The following WNT7A variants were observed in gnomAD, a reference collection of about 807,000 sequenced individuals.
WNT7A encodes protein Wnt-7a.
Under a neutral mutation model 28.2 loss-of-function variants are expected in WNT7A, and 16 were observed. The observed-to-expected ratio is 0.57, with a 90% CI of 0.38 to 0.86. The LOEUF (loss-of-function observed/expected upper bound fraction) is 0.86, where lower values mean the gene tolerates loss of function less well. WNT7A is among the 40% of genes least tolerant of loss of function. The pLI is 0.00. For missense variants in WNT7A, 411 were observed against 489.7 expected (o/e 0.84, Z 1.52); for synonymous variants, 190 against 195.9 (o/e 0.97, Z 0.25).
rs1694056979 is a variant in WNT7A at position 13,818,696 on chromosome 3, C to T, written c.*248G>A. ...CCAGAGTTCCTGCTGCAGAAGGCTTCGCTCCAGCCGCGGAGGGACCTGGGC... is the reference window on the plus strand; with the variant it reads ...CCAGAGTTCCTGCTGCAGAAGGCTTTGCTCCAGCCGCGGAGGGACCTGGGC... On this transcript the variant is annotated 3_prime_UTR_variant, in exon 4 of 4. Coordinates refer to ENST00000285018, the MANE Select transcript of WNT7A (RefSeq NM_004625.4). 2.5e-6 allele frequency: 1 copy of T among 400,388 alleles called. No individual in the cohort carries two copies. Among genetic ancestry groups the T allele is most frequent in the African/African-American group, 2.0e-5 (1 of 49,308 alleles). The allele number at this position is 400,388 out of a possible 1,614,324, so 24.8% of individuals were successfully genotyped here.
At chr3:13,867,514 A>G (rs1694929767) in intron 2 of WNT7A, among the ~76,000 whole-genome samples, 1 of 152,156 alleles carries the variant, frequency 6.6e-6, no homozygotes, top group Non-Finnish European at 1.5e-5. Flanking sequence ...AGGTGGACAC[A>G]CTTTCTTTCA....
At chr3:13,873,837 T>G (rs562559446) in intron 2 of WNT7A, among the ~76,000 whole-genome samples, 2 of 151,986 alleles carry the variant, frequency 1.3e-5, no homozygotes, top group Non-Finnish European at 2.9e-5. Flanking sequence ...CAGTGTGGTG[T>G]GTTTGGGAAA....
In WNT7A at chr3:13,879,956, C is replaced by A; in HGVS notation, c.-140G>T. ...CCGTCTGTCGGTGCGCCCGTCCGCG[C>A]GCTCCGCGCCTGAGCCTCGCCAGGA... On this transcript the variant is annotated 5_prime_UTR_variant, in exon 1 of 4. Coordinates refer to ENST00000285018, the MANE Select transcript of WNT7A (RefSeq NM_004625.4). 1.8e-6 allele frequency: 1 copy of A among 558,146 alleles called. No homozygotes were observed. Among genetic ancestry groups the A allele is most frequent in the Non-Finnish European group, 2.7e-6 (1 of 365,790 alleles). 34.6% of individuals were successfully genotyped at this position (558,146 alleles called of 1,614,324 possible).
rs115123977 is a variant in WNT7A at position 13,842,666 on chromosome 3, G to A, written c.570+11866C>T. On this transcript the variant is annotated intron_variant, in intron 3 of 3. Transcript: ENST00000285018. ...TGGCCAAGGCCAGGGCCAGGGTTTG[G>A]CTTACACAACTGGAAGGATGCAGAT... Among the ~76,000 whole-genome samples, 512 of 152,336 alleles carry A rather than the reference G, an allele frequency of 3.4e-3. 2 individuals carry two copies. The highest frequency in any genetic ancestry group is 0.012 in the African/African-American group (485 of 41,570).
intron 3 of WNT7A, among the ~76,000 whole-genome samples, chr3:13,838,118 G>C (rs1175543467): frequency 2.0e-5 from 3 of 152,112 alleles, no homozygotes; most frequent in African/African-American, 7.2e-5. Context: ...CCCAGCTGAG[G>C]GTGCGGTGGG....
intron 3 of WNT7A, among the ~76,000 whole-genome samples, chr3:13,846,352 C>T (rs1011720380): frequency 6.6e-6 from 1 of 152,148 alleles, no homozygotes; most frequent in Non-Finnish European, 1.5e-5. Context: ...GAGTCCAAGA[C>T]TCCTGAGGGT....
chr3:13,854,444 CAACA>C, intron 3 of WNT7A, 84 bp downstream of exon 3: 1 of 1,603,218 alleles, frequency 6.2e-7, no homozygotes, highest in Non-Finnish European at 8.5e-7. Context: ...TGTGGCTCCT[CAACA>C]GACACCCAGC....
At chr3:13,847,575 A>C (rs867048908) in intron 3 of WNT7A, among the ~76,000 whole-genome samples, 1 of 152,208 alleles carries the variant, frequency 6.6e-6, no homozygotes, top group Non-Finnish European at 1.5e-5. Context: ...GAGGCTAGGG[A>C]GGGTTCCCGG....
chr3:13,830,172 T>A (rs1694255213), intron 3 of WNT7A, among the ~76,000 whole-genome samples: 1 of 152,098 alleles, frequency 6.6e-6, no homozygotes, highest in African/African-American at 2.4e-5. Flanking sequence ...GGAGGCTCGT[T>A]CCTGAACCTC....
intron 2 of WNT7A, among the ~76,000 whole-genome samples, chr3:13,866,169 C>A (rs1241621028): frequency 6.6e-6 from 1 of 152,264 alleles, no homozygotes; most frequent in Non-Finnish European, 1.5e-5. Context: ...GATGTCCCTA[C>A]ATCCACTGAG....
At position 13,879,959 on chromosome 3, in the gene WNT7A, T is replaced by G; in HGVS notation, c.-143A>C. The G allele has an allele frequency of 1.8e-6, 1 of 545,976 alleles. No homozygotes were observed. Among genetic ancestry groups the G allele is most frequent in the Non-Finnish European group, 2.8e-6 (1 of 356,026 alleles). The allele number at this position is 545,976 out of a possible 1,614,324, so 33.8% of individuals were successfully genotyped here. ...TCTGTCGGTGCGCCCGTCCGCGCGC[T>G]CCGCGCCTGAGCCTCGCCAGGAGCA... On this transcript the variant is annotated 5_prime_UTR_variant, in exon 1 of 4. Transcript: ENST00000285018.
At chr3:13,871,729 C>T (rs1006232305) in intron 2 of WNT7A, among the ~76,000 whole-genome samples, 3 of 152,100 alleles carry the variant, frequency 2.0e-5, no homozygotes, top group African/African-American at 7.2e-5. Flanking sequence ...CTGGAAGACT[C>T]GACCAGACTC....
intron 3 of WNT7A, among the ~76,000 whole-genome samples, chr3:13,831,695 GC>G (rs1004330454): frequency 1.3e-5 from 2 of 151,910 alleles, no homozygotes; most frequent in Non-Finnish European, 2.9e-5. Flanking sequence ...TCCCTGGGCA[GC>G]CCCCCAGCCA....
chr3:13,862,349 T>C (rs1694844250), intron 2 of WNT7A, among the ~76,000 whole-genome samples: 1 of 152,266 alleles, frequency 6.6e-6, no homozygotes, highest in South Asian at 2.1e-4. Flanking sequence ...CACCGCCCTG[T>C]GTAGCCACTG....
chr3:13,874,954 G>C lies in WNT7A; in HGVS notation c.291C>G (p.Leu97=), dbSNP rs761265858. The C allele has an allele frequency of 6.2e-7, 1 of 1,614,006 alleles. No individual in the cohort carries two copies. The highest frequency in any genetic ancestry group is 8.5e-7 in the Non-Finnish European group (1 of 1,180,030). The change falls in exon 2 of 4, where the codon CTC becomes CTG. Residue 97 remains leucine (L), a synonymous_variant. Transcript: ENST00000285018. Reference sequence around the variant, plus strand: ...GTTTGGGTGAGCACATACCCACTTTGAGCTCCTTCCCGAAGACGGTGCGCT... The same window carrying C: ...GTTTGGGTGAGCACATACCCACTTTCAGCTCCTTCCCGAAGACGGTGCGCT... The part of the protein sequence containing the change: ...LGERTVFGKE[L]KVGSREAAFT...
At chr3:13,864,256 G>A (rs1392873191) in intron 2 of WNT7A, among the ~76,000 whole-genome samples, 2 of 152,078 alleles carry the variant, frequency 1.3e-5, no homozygotes, top group Non-Finnish European at 2.9e-5. Context: ...AAATACCTCT[G>A]ACAACTTCCC....
intron 2 of WNT7A, chr3:13,863,703 G>A (rs1199927836): frequency 6.6e-6 from 1 of 152,170 alleles, no homozygotes; most frequent in Non-Finnish European, 1.5e-5. Context: ...GTTAAGAAAT[G>A]GCAGAGAGAA....
chr3:13,823,855 G>C (rs551252709), intron 3 of WNT7A, among the ~76,000 whole-genome samples: 1 of 152,276 alleles, frequency 6.6e-6, no homozygotes, highest in African/African-American at 2.4e-5. Context: ...ATTCCCCCTG[G>C]TTGCTCCCTG....
chr3:13,817,586 T>C lies in WNT7A; in HGVS notation c.*1358A>G, dbSNP rs1468904337. 1 of 152,252 alleles carries C rather than the reference T, an allele frequency of 6.6e-6. No individual in the cohort carries two copies. The highest frequency in any genetic ancestry group is 1.5e-5 in the Non-Finnish European group (1 of 68,092). The allele number at this position is 152,252 out of a possible 1,614,324, so 9.4% of individuals were successfully genotyped here. ...AGCAAAGTGGCCTCACTTGAACCTC[T>C]CTCTGCTGCTTGGCCTTGGGAGCAG... On this transcript the variant is annotated 3_prime_UTR_variant, in exon 4 of 4. Coordinates refer to ENST00000285018, the MANE Select transcript of WNT7A (RefSeq NM_004625.4).
Sources: allele counts gnomAD v4.1 joint callset (sites outside exome capture counted in the v4.1 genomes callset), GRCh38; gene constraint gnomAD v4.1.1; transcripts MANE v1.5; gene names NCBI Gene and HGNC (gene_info 2026-07-23, HGNC 2026-07-21).